The following AGAP1 variants were observed in gnomAD, a reference collection of about 807,000 sequenced individuals.
The protein encoded by AGAP1 is ArfGAP with GTPase domain, ankyrin repeat and PH domain 1.
Under a neutral mutation model 105.3 loss-of-function variants are expected in AGAP1, and 29 were observed. The ratio of observed to expected loss-of-function variants is 0.28; its 90% CI spans 0.21 to 0.38. The LOEUF is 0.38. Among genes scored for constraint, AGAP1 ranks in the 10% least tolerant of loss-of-function variants. The pLI, the probability that AGAP1 is intolerant of heterozygous loss-of-function variation, is 1.00. For missense variants in AGAP1, 998 were observed against 1,165.1 expected, an observed-to-expected ratio of 0.86 and a Z score of 2.09; for synonymous variants, 509 against 485.9, an observed-to-expected ratio of 1.05 and a Z score of -0.63.
rs1482996096 is a variant in AGAP1, at chr2:235,601,720, G to A, written c.163+106871G>A. On this transcript the variant is annotated intron_variant, in intron 1 of 17. Coordinates refer to ENST00000304032, the MANE Select transcript of AGAP1 (RefSeq NM_001037131.3). The surrounding 1 kb of genome is among the most constrained non-coding windows in gnomAD (Gnocchi z 4.4). The stretch of plus-strand genomic sequence containing the variant: ...ATCACCAGTCCGTGGAGCCAGGTGT[G>A]GTGGCTCACACTTGTAATCTCAGTG... Among the ~76,000 whole-genome samples the A allele has an allele frequency of 6.6e-6, 1 of 152,166 alleles. No homozygotes were observed. The highest frequency in any genetic ancestry group is 1.5e-5 in the Non-Finnish European group (1 of 68,032).
chr2:235,629,878 A>G (rs976689604), intron 1 of AGAP1, among the ~76,000 whole-genome samples: 3 of 151,238 alleles, frequency 2.0e-5, no homozygotes, highest in Non-Finnish European at 4.4e-5. Context: ...AAAAAAAAAA[A>G]AAAAAGAAAG....
rs1252856535 is a variant in AGAP1, at chr2:235,612,613, T to C, written c.164-96566T>C. Among the ~76,000 whole-genome samples the C allele has an allele frequency of 6.6e-6, 1 of 152,220 alleles. No individual in the cohort carries two copies. The highest frequency in any genetic ancestry group is 2.4e-5 in the African/African-American group (1 of 41,460). On this transcript the variant is annotated intron_variant, in intron 1 of 17. Coordinates refer to ENST00000304032, the MANE Select transcript of AGAP1 (RefSeq NM_001037131.3). The surrounding 1 kb of genome is among the most constrained non-coding windows in gnomAD (Gnocchi z 4.3). Reference sequence around the variant, plus strand: ...TGACTCCTTAGAACCTGCAAATGCATGAAACTCATGTTAAGAACAGTTGTG... The same window carrying C: ...TGACTCCTTAGAACCTGCAAATGCACGAAACTCATGTTAAGAACAGTTGTG...
chr2:235,932,250 C>G (rs781122141), intron 12 of AGAP1, among the ~76,000 whole-genome samples: 1 of 152,182 alleles, frequency 6.6e-6, no homozygotes, highest in Non-Finnish European at 1.5e-5. Context: ...GATGAGCCTC[C>G]GTACCTCCAT....
intron 10 of AGAP1, among the ~76,000 whole-genome samples, chr2:235,897,144 G>A (rs578254152): frequency 5.3e-5 from 8 of 152,196 alleles, no homozygotes; most frequent in East Asian, 3.9e-4. Context: ...GTGCTGTGGC[G>A]TGATCTCAGC....
At chr2:235,812,933 C>G (rs890491091) in intron 9 of AGAP1, among the ~76,000 whole-genome samples, 12 of 152,212 alleles carry the variant, frequency 7.9e-5, no homozygotes, top group Non-Finnish European at 1.8e-4. Context: ...ACTGCCGTGC[C>G]CTGCAAGCTA....
At position 235,586,989 on chromosome 2, in the gene AGAP1, A is replaced by G. The variant is rs868752151; in HGVS notation, c.163+92140A>G. ...AGTTTTGAGTCCCATGAAAACAAAC[A>G]CATTTACTCTGTCTAGCTCCATCTC... On this transcript the variant is annotated intron_variant, in intron 1 of 17. Transcript: ENST00000304032. This position sits in a 1 kb window ranked among gnomAD's most constrained non-coding sequence, Gnocchi z 4.2. 2.6e-5 allele frequency among the ~76,000 whole-genome samples: 4 copies of G among 152,212 alleles called. No homozygotes were observed. The highest frequency in any genetic ancestry group is 7.2e-5 in the African/African-American group (3 of 41,448).
chr2:236,122,407 T>C (rs2059921468), intron 17 of AGAP1, among the ~76,000 whole-genome samples: 1 of 152,200 alleles, frequency 6.6e-6, no homozygotes, highest in South Asian at 2.1e-4. Context: ...GACACAGTTA[T>C]AAATTACAGG....
At chr2:236,047,212 T>C (rs544494734) in intron 15 of AGAP1, among the ~76,000 whole-genome samples, 1 of 152,322 alleles carries the variant, frequency 6.6e-6, no homozygotes, top group East Asian at 1.9e-4. Flanking sequence ...GGTTTCGCCC[T>C]GGAACAGGCT....
At chr2:236,023,060 C>T (rs529240285) in intron 13 of AGAP1, among the ~76,000 whole-genome samples, 14 of 152,012 alleles carry the variant, frequency 9.2e-5, no homozygotes, top group Admixed American at 2.6e-4. Flanking sequence ...CATTAAAGCC[C>T]GGGTGTGTGC....
In AGAP1 at chr2:235,883,650, A is replaced by G. The variant is rs189543932; in HGVS notation, c.1155+201A>G. Among the ~76,000 whole-genome samples the G allele has an allele frequency of 1.7e-3, 253 of 152,316 alleles. No individual in the cohort carries two copies. The highest frequency in any genetic ancestry group is 5.3e-3 in the African/African-American group (220 of 41,576). The stretch of plus-strand genomic sequence containing the variant: ...TGTCTTTCTCTCTCTTCCCCTCCCT[A>G]CCAGTCAATCTGTGGCTTTCCAATT... On this transcript the variant is annotated intron_variant, in intron 10 of 17. Coordinates refer to ENST00000304032, the MANE Select transcript of AGAP1 (RefSeq NM_001037131.3). The surrounding 1 kb of genome is among the most constrained non-coding windows in gnomAD (Gnocchi z 4.5).
At chr2:235,985,175 G>A (rs1182936447) in intron 13 of AGAP1, among the ~76,000 whole-genome samples, 3 of 152,128 alleles carry the variant, frequency 2.0e-5, no homozygotes, top group Admixed American at 2.0e-4. Context: ...TCTCACTGTG[G>A]TTTTGATTTG....
Position 236,002,683 on chromosome 2 carries a change from G to A in AGAP1, c.1646-33878G>A, listed in dbSNP as rs1005961726. ...CAGGACACTTAAACATTTAAAGGGG[G>A]GACACAGAGATGGGCAGGACTGTGA... is the stretch of plus-strand genomic sequence containing the variant. On this transcript the variant is annotated intron_variant, in intron 13 of 17. Transcript: ENST00000304032. The surrounding 1 kb of genome is among the most constrained non-coding windows in gnomAD (Gnocchi z 4.3). 1.3e-5 allele frequency among the ~76,000 whole-genome samples: 2 copies of A among 152,018 alleles called. No individual in the cohort carries two copies. Among genetic ancestry groups the A allele is most frequent in the Non-Finnish European group, 2.9e-5 (2 of 68,028 alleles).
At position 235,992,136 on chromosome 2, in the gene AGAP1, A is replaced by C. The variant is rs950915135; in HGVS notation, c.1645+23513A>C. On this transcript the variant is annotated intron_variant, in intron 13 of 17. Transcript: ENST00000304032. The surrounding 1 kb of genome is among the most constrained non-coding windows in gnomAD (Gnocchi z 4.8). ...AGACCCAGATAACAGGAGTGGTTAG[A>C]AGCGCAGCGGAGGAGCCTGTCTTCC... Among the ~76,000 whole-genome samples, 1 of 151,872 alleles carries C rather than the reference A, an allele frequency of 6.6e-6. No individual in the cohort carries two copies. The highest frequency in any genetic ancestry group is 1.5e-5 in the Non-Finnish European group (1 of 67,970).
At position 235,930,734 on chromosome 2, in the gene AGAP1, G is replaced by A. The variant is rs145861071; in HGVS notation, c.1325-31G>A. On this transcript the variant is annotated intron_variant, in intron 11 of 17. Transcript: ENST00000304032. This position sits in a 1 kb window ranked among gnomAD's most constrained non-coding sequence, Gnocchi z 7.9. Reference sequence around the variant, plus strand: ...CTGGTTTCTGTGGTCTGCAGTCCGCGGTGGTGTTCACCTGACTTGTTTATT... The same window carrying A: ...CTGGTTTCTGTGGTCTGCAGTCCGCAGTGGTGTTCACCTGACTTGTTTATT... 1.1e-3 allele frequency: 1,792 copies of A among 1,607,024 alleles called. 13 individuals are homozygous for A. In the African/African-American group the frequency reaches 0.021, roughly 19 times the overall value.
intron 9 of AGAP1, among the ~76,000 whole-genome samples, chr2:235,811,832 A>G (rs1404236671): frequency 2.0e-5 from 3 of 152,244 alleles, no homozygotes; most frequent in Admixed American, 1.3e-4. Flanking sequence ...TTAGAGATTC[A>G]TGGGAAAAAC....
At chr2:235,816,565 G>A (rs1216378577) in intron 9 of AGAP1, among the ~76,000 whole-genome samples, 1 of 151,888 alleles carries the variant, frequency 6.6e-6, no homozygotes, top group Non-Finnish European at 1.5e-5. Flanking sequence ...ACTTCCCACA[G>A]TCTTTGGCCA....
intron 1 of AGAP1, among the ~76,000 whole-genome samples, chr2:235,703,983 G>A (rs1950396538): frequency 6.6e-6 from 1 of 152,152 alleles, no homozygotes; most frequent in South Asian, 2.1e-4. Context: ...GACCAGAAAT[G>A]CTTCTATTTT....
At chr2:235,819,424 A>G (rs1230992843) in intron 9 of AGAP1, among the ~76,000 whole-genome samples, 1 of 151,970 alleles carries the variant, frequency 6.6e-6, no homozygotes, top group Non-Finnish European at 1.5e-5. Flanking sequence ...AGGAGATTGT[A>G]TTTCTGTGTT....
intron 16 of AGAP1, among the ~76,000 whole-genome samples, chr2:236,097,243 A>C (rs1435991786): frequency 1.3e-5 from 2 of 152,236 alleles, no homozygotes; most frequent in East Asian, 3.9e-4. Flanking sequence ...GGCTATAATA[A>C]TGTGGGTCTT....
Sources: allele counts gnomAD v4.1 joint callset (sites outside exome capture counted in the v4.1 genomes callset), GRCh38; gene constraint gnomAD v4.1.1; non-coding constraint Gnocchi (gnomAD v3.1); transcripts MANE v1.5; gene names NCBI Gene and HGNC (gene_info 2026-07-23, HGNC 2026-07-21).